Variants in CHL1 observed in about 807,000 individuals in gnomAD.
The protein encoded by CHL1 is cell adhesion molecule L1 like.
Under a neutral mutation model 141.9 loss-of-function variants are expected in CHL1, and 96 were observed. The ratio of observed to expected loss-of-function variants is 0.68; its 90% CI spans 0.57 to 0.80. The LOEUF (loss-of-function observed/expected upper bound fraction) is 0.80, where lower values mean the gene tolerates loss of function less well. Ranked by LOEUF, CHL1 falls within the 30% of genes least tolerant of loss-of-function variation. The pLI is 0.00. For missense variants in CHL1, 1,820 were observed against 1,457.2 expected (o/e 1.25, Z -4.05); for synonymous variants, 613 against 502.2 (o/e 1.22, Z -2.95).
chr3:261,143 GA>G (rs778823017), intron 2 of CHL1, among the ~76,000 whole-genome samples: 4 of 152,150 alleles, frequency 2.6e-5, no homozygotes, highest in Admixed American at 6.6e-5. Context: ...TGCACAAAAA[GA>G]AGAGCCAAGA....
intron 1 of CHL1, among the ~76,000 whole-genome samples, chr3:243,514 T>G (rs1692868604): frequency 6.6e-6 from 1 of 152,192 alleles, no homozygotes; most frequent in Admixed American, 6.5e-5. Context: ...GGACACAGTC[T>G]GTGCAGTGTG....
At chr3:378,151 A>G (rs2125369188) in intron 16 of CHL1, among the ~76,000 whole-genome samples, 1 of 152,172 alleles carries the variant, frequency 6.6e-6, no homozygotes, top group South Asian at 2.1e-4. Context: ...TTTTCCCTAC[A>G]TGTGTTAATT....
Position 319,669 on chromosome 3 carries a change from G to A in CHL1, c.-94-14G>A, listed in dbSNP as rs1433938001. 1.6e-5 allele frequency: 10 copies of A among 630,488 alleles called. No individual in the cohort carries two copies. The highest frequency in any genetic ancestry group is 7.7e-5 in the African/African-American group (4 of 52,230). 39.1% of individuals were successfully genotyped at this position (630,488 alleles called of 1,614,324 possible). On this transcript the variant is annotated splice_polypyrimidine_tract_variant and intron_variant, in intron 2 of 27. Transcript: ENST00000256509. ...AGTTTGTGAACTAACATGTTATTCT[G>A]TTTGTGTTTTTAGTTTCCAGGTTAA...
intron 2 of CHL1, among the ~76,000 whole-genome samples, chr3:268,468 G>A (rs1695351953): frequency 6.6e-6 from 1 of 152,124 alleles, no homozygotes; most frequent in African/African-American, 2.4e-5. Context: ...CTGGGAGGCA[G>A]AGGCTGCAGT....
rs775452165 is a variant in CHL1 at position 349,402 on chromosome 3, C to T, written c.892C>T (p.Pro298Ser). 6.2e-7 allele frequency: 1 copy of T among 1,613,796 alleles called. No homozygotes were observed. The highest frequency in any genetic ancestry group is 8.5e-7 in the Non-Finnish European group (1 of 1,179,804). The change falls in exon 10 of 28, where the codon CCA (proline) becomes TCA (serine). Residue 298 changes from proline (P) to serine (S), a missense_variant. By Grantham distance (74) the Pro-to-Ser change is moderately conservative. Transcript: ENST00000256509. ...VDWNKIGGDLPKGRETKENYG... is the reference protein window; with the variant it reads ...VDWNKIGGDLSKGRETKENYG... ...TTGGAACAAAATTGGTGGTGACTTA[C>T]CAAAGGGGAGAGAAACAAAAGAAAA...
chr3:288,206 G>A (rs988032879), intron 2 of CHL1, among the ~76,000 whole-genome samples: 4 of 152,192 alleles, frequency 2.6e-5, no homozygotes, highest in African/African-American at 9.6e-5. Context: ...TTTTTCACCA[G>A]AAAGTTGGTC....
chr3:379,843 C>T (rs973303412), intron 16 of CHL1, among the ~76,000 whole-genome samples: 1 of 151,962 alleles, frequency 6.6e-6, no homozygotes, highest in African/African-American at 2.4e-5. Flanking sequence ...TTTACCAAAG[C>T]ATCTCTCGAC....
chr3:390,698 C>T lies in CHL1; in HGVS notation c.2471-3C>T. The T allele has an allele frequency of 2.7e-6, 4 of 1,508,578 alleles. No homozygotes were observed. The highest frequency in any genetic ancestry group is 2.3e-5 in the East Asian group (1 of 44,390). The allele number at this position is 1,508,578 out of a possible 1,614,324, so 93.4% of individuals were successfully genotyped here. A position where few individuals can be genotyped will look rare whatever the true frequency, so the allele number is the denominator to read the frequency against. On this transcript the variant is annotated splice_polypyrimidine_tract_variant and splice_region_variant and intron_variant, in intron 20 of 27. Coordinates refer to ENST00000256509, the MANE Select transcript of CHL1 (RefSeq NM_006614.4). The stretch of plus-strand genomic sequence containing the variant: ...AAACTAATCAATCTTCTATGATTAA[C>T]AGATCCTGATACAGCTCCAGTGATC...
At position 215,707 on chromosome 3, in the gene CHL1, C is replaced by CT. The variant is rs1007114996; in HGVS notation, c.-175+18653dup. On this transcript the variant is annotated intron_variant, in intron 1 of 27. Coordinates refer to ENST00000256509, the MANE Select transcript of CHL1 (RefSeq NM_006614.4). ...ATTCAAAAATTGTCATGGGTTTGCT[C>CT]TTTTTTTTTGCATTACAAAGTGACA... Among the ~76,000 whole-genome samples, 915 of 150,896 alleles carry CT rather than the reference C, an allele frequency of 6.1e-3. 11 individuals carry two copies. Among genetic ancestry groups the CT allele is most frequent in the African/African-American group, 0.021 (865 of 41,150 alleles).
At chr3:378,523 T>C (rs183113201) in intron 16 of CHL1, among the ~76,000 whole-genome samples, 19 of 152,344 alleles carry the variant, frequency 1.2e-4, no homozygotes, top group African/African-American at 4.3e-4. Flanking sequence ...AAATCACCAA[T>C]GTTTAAAGCT....
At chr3:232,237 T>A (rs1701929057) in intron 1 of CHL1, among the ~76,000 whole-genome samples, 1 of 152,186 alleles carries the variant, frequency 6.6e-6, no homozygotes, top group African/African-American at 2.4e-5. Context: ...TAATTTGGTC[T>A]TTTGAGTGAC....
Position 245,179 on chromosome 3 carries a change from C to G in CHL1, c.-95+487C>G, listed in dbSNP as rs112409858. Among the ~76,000 whole-genome samples, 868 of 152,248 alleles carry G rather than the reference C, an allele frequency of 5.7e-3. 9 individuals are homozygous for G. The highest frequency in any genetic ancestry group is 0.02 in the African/African-American group (828 of 41,564). On this transcript the variant is annotated intron_variant, in intron 2 of 27. Transcript: ENST00000256509. ...CCTTGAATTTGAATCCGTTTGAAAT[C>G]TGACCTGAATCCTTGATTGGAGTTT...
intron 2 of CHL1, among the ~76,000 whole-genome samples, chr3:278,491 G>A (rs186525552): frequency 3.9e-5 from 6 of 152,268 alleles, no homozygotes; most frequent in South Asian, 2.1e-4. Context: ...TACTGCAAGC[G>A]TTCGTTAGTA....
At chr3:398,894 G>C in intron 25 of CHL1, 123 bp from the exon 26 acceptor site, 1 of 791,340 alleles carries the variant, frequency 1.3e-6, no homozygotes, top group Non-Finnish European at 2.1e-6. Flanking sequence ...ATTCCTTCTG[G>C]GGTCATTAAA....
Position 377,924 on chromosome 3 carries a change from A to T in CHL1, c.1858A>T (p.Thr620Ser), listed in dbSNP as rs762801565. Residue 620 changes from threonine (T) to serine (S), a missense_variant, in exon 16 of 28, where the codon ACT becomes TCT. Thr to Ser is a moderately conservative substitution (Grantham distance 58). Coordinates refer to ENST00000256509, the MANE Select transcript of CHL1 (RefSeq NM_006614.4). Reference sequence around the variant, plus strand: ...TGCTCTAGACAGTGCTGCCGATATAACTCAAGTAACTGTTCTTGGTAAGTG... The same window carrying T: ...TGCTCTAGACAGTGCTGCCGATATATCTCAAGTAACTGTTCTTGGTAAGTG... ...HTALDSAADI[T>S]QVTVLDVPDP... The T allele has an allele frequency of 6.2e-7, 1 of 1,608,134 alleles. No homozygotes were observed. The highest frequency in any genetic ancestry group is 1.1e-5 in the South Asian group (1 of 89,088).
chr3:398,272 C>A lies in CHL1; in HGVS notation c.3140C>A (p.Thr1047Asn). ...TCAGGAGTAAATCTTACTCAAAAGACTCACCCAATAGAGGTATTTGAGCCG... is the reference window on the plus strand; with the variant it reads ...TCAGGAGTAAATCTTACTCAAAAGAATCACCCAATAGAGGTATTTGAGCCG... ...KISGVNLTQK[T>N]HPIEVFEPGA... The change falls in exon 25 of 28, where the codon ACT becomes AAT. Residue 1047 changes from threonine to asparagine, a missense_variant. Coordinates refer to ENST00000256509, the MANE Select transcript of CHL1 (RefSeq NM_006614.4). The A allele has an allele frequency of 6.2e-7, 1 of 1,606,604 alleles. No homozygotes were observed. Among genetic ancestry groups the A allele is most frequent in the Non-Finnish European group, 8.5e-7 (1 of 1,173,808 alleles).
chr3:362,000 G>T (rs1192056275), intron 13 of CHL1, among the ~76,000 whole-genome samples, 190 bp downstream of exon 13: 2 of 152,148 alleles, frequency 1.3e-5, no homozygotes, highest in Non-Finnish European at 2.9e-5. Context: ...AGATTTCTAG[G>T]ATTTTCTCAC....
At chr3:279,173 A>T (rs1696416307) in intron 2 of CHL1, among the ~76,000 whole-genome samples, 1 of 152,250 alleles carries the variant, frequency 6.6e-6, no homozygotes, top group Admixed American at 6.5e-5. Flanking sequence ...CAAAGAATAT[A>T]GTCCAGCATT....
chr3:376,325 T>C (rs1706312683), intron 15 of CHL1: 1 of 488,422 alleles, frequency 2.0e-6, no homozygotes. Flanking sequence ...GACAGAATTA[T>C]CCAGGCTTCA....
Sources: allele counts gnomAD v4.1 joint callset (sites outside exome capture counted in the v4.1 genomes callset), GRCh38; gene constraint gnomAD v4.1.1; transcripts MANE v1.5; gene names NCBI Gene and HGNC (gene_info 2026-07-23, HGNC 2026-07-21).